The following C7 variants were observed in gnomAD, a reference collection of about 807,000 sequenced individuals.
C7 encodes the protein complement C7.
A neutral mutation model predicts 104.8 loss-of-function variants in C7; 83 were observed. That is an observed-to-expected ratio of 0.79 (90% CI 0.66 to 0.95). The LOEUF is 0.95. C7 is among the 40% of genes least tolerant of loss of function. C7 has a pLI of 0.00. For missense variants in C7, 1,070 were observed against 1,011.2 expected (o/e 1.06, Z -0.79); for synonymous variants, 415 against 360.6 (o/e 1.15, Z -1.71).
At chr5:40,928,727 CTG>C in intron 2 of C7, 92 bp downstream of exon 2, 1 of 673,354 alleles carries the variant, frequency 1.5e-6, no homozygotes, top group South Asian at 1.9e-5. Context: ...CACTTTGAAT[CTG>C]TGTATCCCTC....
intron 1 of C7, among the ~76,000 whole-genome samples, chr5:40,927,892 T>C (rs1739591596): frequency 6.6e-6 from 1 of 152,078 alleles, no homozygotes; most frequent in African/African-American, 2.4e-5. Context: ...TGCATGGAGG[T>C]TTGTCATAAA....
chr5:40,911,300 CT>C (rs1187121717), intron 1 of C7, among the ~76,000 whole-genome samples: 4 of 152,182 alleles, frequency 2.6e-5, no homozygotes, highest in African/African-American at 7.2e-5. Context: ...CTATGTCAGA[CT>C]TTTTAAGAGG....
Position 40,964,366 on chromosome 5 carries a change from T to C in C7, c.1750-375T>C, listed in dbSNP as rs74837349. On this transcript the variant is annotated intron_variant, in intron 13 of 17. Coordinates refer to ENST00000313164, the MANE Select transcript of C7 (RefSeq NM_000587.4). ...CCTGGTAATACCTTAATATGAAGAG[T>C]TGACTGACAAAGATGTTCTCCAAAT... 944 of 181,318 alleles carry C rather than the reference T, an allele frequency of 5.2e-3. 33 individuals are homozygous for C. In the East Asian group the frequency reaches 0.091, roughly 17 times the overall value. The allele number at this position is 181,318 out of a possible 1,614,324, so 11.2% of individuals were successfully genotyped here.
At chr5:40,919,988 T>C (rs1739405801) in intron 1 of C7, among the ~76,000 whole-genome samples, 1 of 151,656 alleles carries the variant, frequency 6.6e-6, no homozygotes, top group Non-Finnish European at 1.5e-5. Context: ...ATAATAAAAA[T>C]CAGAGCAGAA....
At chr5:40,967,894 G>A (rs1183245951) in intron 14 of C7, 1 of 152,072 alleles carries the variant, frequency 6.6e-6, no homozygotes, top group Non-Finnish European at 1.5e-5. Context: ...CTGATGTCTA[G>A]GTATAATTTT....
intron 1 of C7, among the ~76,000 whole-genome samples, chr5:40,909,974 ATT>A (rs1259880340): frequency 2.9e-4 from 36 of 124,544 alleles, no homozygotes; most frequent in Admixed American, 3.3e-4. Context: ...CCTCTGGTGT[ATT>A]TTTTTTTTTT....
intron 1 of C7, among the ~76,000 whole-genome samples, chr5:40,914,933 G>A (rs761199744): frequency 3.2e-4 from 49 of 152,172 alleles, no homozygotes; most frequent in Non-Finnish European, 5.7e-4. Flanking sequence ...CCCATGGCCC[G>A]CATATGGATG....
At chr5:40,967,348 G>A (rs531762471) in intron 14 of C7, among the ~76,000 whole-genome samples, 1 of 152,138 alleles carries the variant, frequency 6.6e-6, no homozygotes, top group Non-Finnish European at 1.5e-5. Context: ...ACAGGCATGA[G>A]CCACCGCACC....
chr5:40,962,262 A>C (rs1166860664), intron 13 of C7, 90 bp downstream of exon 13: 4 of 691,272 alleles, frequency 5.8e-6, no homozygotes, highest in African/African-American at 1.8e-5. Flanking sequence ...CTCCATGGTG[A>C]AGCCGTGCCA....
chr5:40,912,534 A>G (rs1253227437), intron 1 of C7, among the ~76,000 whole-genome samples: 2 of 147,458 alleles, frequency 1.4e-5, no homozygotes, highest in African/African-American at 5.4e-5. Flanking sequence ...GCCCGCCACC[A>G]TGCCTGGCTA....
chr5:40,959,148 TC>T (rs1405424671), intron 11 of C7, among the ~76,000 whole-genome samples: 11 of 152,172 alleles, frequency 7.2e-5, no homozygotes, highest in African/African-American at 2.7e-4. Flanking sequence ...CCACCTCCAT[TC>T]ACTGTTGTGA....
intron 8 of C7, 47 bp from the exon 9 acceptor site, chr5:40,949,857 A>T: frequency 8.5e-7 from 1 of 1,176,668 alleles, no homozygotes; most frequent in Non-Finnish European, 1.2e-6. Flanking sequence ...GAAGATCTTC[A>T]AGGAATGCAG....
intron 1 of C7, among the ~76,000 whole-genome samples, chr5:40,924,828 C>T (rs1229239776): frequency 6.6e-6 from 1 of 152,228 alleles, no homozygotes; most frequent in African/African-American, 2.4e-5. Flanking sequence ...GGCCTGCATG[C>T]AGGGATCAGT....
intron 6 of C7, among the ~76,000 whole-genome samples, chr5:40,940,205 T>A (rs775134497): frequency 1.3e-5 from 2 of 152,218 alleles, no homozygotes; most frequent in African/African-American, 2.4e-5. Context: ...AATCGGCCAG[T>A]CTCTCTTATA....
In C7 at chr5:40,984,279, G is replaced by C. The variant is rs966064295; in HGVS notation, c.*2706G>C. Among the ~76,000 whole-genome samples, 1 of 152,158 alleles carries C rather than the reference G, an allele frequency of 6.6e-6. No homozygotes were observed. The highest frequency in any genetic ancestry group is 6.5e-5 in the Admixed American group (1 of 15,286). ...CCTTGAAAGAGAAGGAGGGTTCTTC[G>C]TATTCAGGTAGGGTATGGTAGGGAT... On this transcript the variant is annotated 3_prime_UTR_variant, in exon 18 of 18. Transcript: ENST00000313164.
At chr5:40,915,912 A>G (rs1293171974) in intron 1 of C7, among the ~76,000 whole-genome samples, 1 of 152,230 alleles carries the variant, frequency 6.6e-6, no homozygotes, top group Non-Finnish European at 1.5e-5. Flanking sequence ...TTTCATAGGT[A>G]CATTGAGAAA....
At chr5:40,927,545 C>T (rs761846864) in intron 1 of C7, among the ~76,000 whole-genome samples, 5 of 151,450 alleles carry the variant, frequency 3.3e-5, no homozygotes, top group Non-Finnish European at 4.4e-5. Flanking sequence ...AACTCAATAG[C>T]AAGAAGACAA....
chr5:40,909,778 T>G (rs1579830423), intron 1 of C7, among the ~76,000 whole-genome samples, 162 bp downstream of exon 1: 2 of 152,212 alleles, frequency 1.3e-5, no homozygotes, highest in African/African-American at 4.8e-5. Flanking sequence ...CTGGGGGTGA[T>G]GTTTAGAAAT....
At chr5:40,935,422 C>G (rs1481925125) in intron 4 of C7, among the ~76,000 whole-genome samples, 1 of 152,150 alleles carries the variant, frequency 6.6e-6, no homozygotes, top group Non-Finnish European at 1.5e-5. Flanking sequence ...TAGCAGGGTA[C>G]ATGTCCTATA....
Sources: gnomAD v4.1 joint callset for allele counts (sites outside exome capture counted in the v4.1 genomes callset) on GRCh38, gnomAD v4.1.1 for gene constraint, MANE v1.5 for transcripts, NCBI Gene and HGNC (gene_info 2026-07-23, HGNC 2026-07-21) for gene names.